Variants in C11orf65 observed in about 807,000 individuals in gnomAD.
C11orf65 encodes the protein chromosome 11 open reading frame 65.
Under a neutral mutation model 35.3 loss-of-function variants are expected in C11orf65, and 38 were observed. The ratio of observed to expected loss-of-function variants is 1.08; its 90% CI spans 0.83 to 1.41. C11orf65 has a LOEUF of 1.41. C11orf65 is among the 40% of genes most tolerant of loss of function. The pLI is 0.00. For missense variants in C11orf65, 370 were observed against 367.1 expected, an observed-to-expected ratio of 1.01 and a Z score of -0.06; for synonymous variants, 105 against 114.4, an observed-to-expected ratio of 0.92 and a Z score of 0.53.
At chr11:108,408,378 A>G (rs2092585619) in intron 3 of C11orf65, among the ~76,000 whole-genome samples, 1 of 152,058 alleles carries the variant, frequency 6.6e-6, no homozygotes, top group South Asian at 2.1e-4. Context: ...TTAAAAATCC[A>G]TGTTTAAAAT....
Position 108,336,122 on chromosome 11 carries a change from C to A in C11orf65, c.227-830G>T, listed in dbSNP as rs1299922090. 3 of 589,214 alleles carry A rather than the reference C, an allele frequency of 5.1e-6. No individual in the cohort carries two copies. In the East Asian group the frequency reaches 8.7e-5, roughly 17 times the overall value. 36.5% of individuals were successfully genotyped at this position (589,214 alleles called of 1,614,324 possible). A position where few individuals can be genotyped will look rare whatever the true frequency, so the allele number is the denominator to read the frequency against. On this transcript the variant is annotated intron_variant, in intron 2 of 3. Transcript: ENST00000524755. The stretch of plus-strand genomic sequence containing the variant: ...GACCAGCCTCAGCAACATAGTGAGA[C>A]CCCATCTTGACAAAAAGTTAAAAAA...
chr11:108,340,381 G>A (rs2087400411), intron 2 of C11orf65: 1 of 100,804 alleles, frequency 9.9e-6, no homozygotes, highest in Non-Finnish European at 2.2e-5. Context: ...GATAATGTCT[G>A]TTTTAAAAAA....
intron 3 of C11orf65, among the ~76,000 whole-genome samples, chr11:108,428,471 C>T (rs929878325): frequency 2.0e-5 from 3 of 152,128 alleles, no homozygotes; most frequent in Non-Finnish European, 2.9e-5. Context: ...CCATGGAATA[C>T]CATGCAGCCA....
chr11:108,415,224 T>C (rs1049503864), intron 3 of C11orf65, among the ~76,000 whole-genome samples: 9 of 152,170 alleles, frequency 5.9e-5, no homozygotes, highest in South Asian at 2.1e-4. Flanking sequence ...ACTGTCTTTG[T>C]TCTCAGATGA....
At chr11:108,345,364 G>T (rs1284556704) in intron 2 of C11orf65, among the ~76,000 whole-genome samples, 1 of 152,144 alleles carries the variant, frequency 6.6e-6, no homozygotes, top group East Asian at 1.9e-4. Flanking sequence ...ATCTATGAGG[G>T]ATTCTTCTGT....
chr11:108,417,497 A>G (rs978738623), intron 3 of C11orf65, among the ~76,000 whole-genome samples: 6 of 151,980 alleles, frequency 3.9e-5, no homozygotes, highest in Non-Finnish European at 8.8e-5. Flanking sequence ...GAGCTGAGAT[A>G]GATAGTGCCA....
At chr11:108,451,004 G>T (rs1407041213) in intron 2 of C11orf65, among the ~76,000 whole-genome samples, 1 of 151,770 alleles carries the variant, frequency 6.6e-6, no homozygotes, top group Admixed American at 6.6e-5. Flanking sequence ...GATGGGACGT[G>T]TTTCAAAATA....
chr11:108,383,883 T>A (rs1399381700), intron 8 of C11orf65, among the ~76,000 whole-genome samples: 1 of 151,434 alleles, frequency 6.6e-6, no homozygotes, highest in African/African-American at 2.4e-5. Context: ...TTTTTTTTTT[T>A]TTTTTGAGAC....
At chr11:108,308,716 A>G in exon 7 of C11orf65, 1 of 325,856 alleles carries the variant, frequency 3.1e-6, no homozygotes. Context: ...AGGTGAGTGA[A>G]AAATGAAATG....
intron 2 of C11orf65, among the ~76,000 whole-genome samples, chr11:108,352,780 G>T (rs1204605120): frequency 1.3e-5 from 2 of 152,172 alleles, no homozygotes; most frequent in African/African-American, 2.4e-5. Context: ...AATCTCCAGA[G>T]AATTAGGCTG....
chr11:108,326,420 A>G (rs1777410155), downstream of C11orf65, among the ~76,000 whole-genome samples: 1 of 152,244 alleles, frequency 6.6e-6, no homozygotes, highest in Non-Finnish European at 1.5e-5. Context: ...TCACAATTCT[A>G]TCAGTCCATC....
chr11:108,384,143 T>C (rs955607022), intron 8 of C11orf65, among the ~76,000 whole-genome samples: 1 of 152,204 alleles, frequency 6.6e-6, no homozygotes, highest in South Asian at 2.1e-4. Context: ...ATTACAGGCA[T>C]GAGCCATTGT....
chr11:108,452,454 C>T (rs1292464667), intron 2 of C11orf65, among the ~76,000 whole-genome samples: 1 of 152,138 alleles, frequency 6.6e-6, no homozygotes, highest in Non-Finnish European at 1.5e-5. Context: ...AATGAGATAC[C>T]ATCTCACACC....
chr11:108,356,531 T>TGTC lies in C11orf65; in HGVS notation c.227-21242_227-21240dup, dbSNP rs140830637. Among the ~76,000 whole-genome samples, 1,991 of 144,996 alleles carry TGTC rather than the reference T, an allele frequency of 0.014. 101 individuals are homozygous for TGTC. In the East Asian group the frequency reaches 0.18, roughly 13 times the overall value. ...AGCCTGGGCGACAAGAGCAAGACTC[T>TGTC]GTCTGTCTTAAAAAAAAAAAAAAAA... On this transcript the variant is annotated intron_variant, in intron 2 of 3. Coordinates refer to the C11orf65 transcript ENST00000524755.
rs1345427499 is a variant in C11orf65 at position 108,408,709 on chromosome 11, AAAATAAAATAAAATAAAATAAAATG to A, written c.175-1585_175-1561del. 8.8e-3 allele frequency among the ~76,000 whole-genome samples: 1,182 copies of A among 134,730 alleles called. 84 individuals carry two copies. The highest frequency in any genetic ancestry group is 0.03 in the African/African-American group (1,099 of 37,060). The allele number at this position is 134,730 out of a possible 152,430, so 88.4% of individuals were successfully genotyped here. On this transcript the variant is annotated intron_variant, in intron 3 of 8. Coordinates refer to ENST00000393084, the MANE Select transcript of C11orf65 (RefSeq NM_152587.5). Reference sequence around the variant, plus strand: ...AAAATAAAATAAAATAAAATAAAATAAAATAAAATAAAATAAAATAAAATGATATAAGAATTGTATATAATAGGTT... The same window carrying A: ...AAAATAAAATAAAATAAAATAAAATAATATAAGAATTGTATATAATAGGTT...
At chr11:108,446,595 C>A (rs1480211825) in intron 2 of C11orf65, among the ~76,000 whole-genome samples, 6 of 152,038 alleles carry the variant, frequency 3.9e-5, no homozygotes, top group African/African-American at 1.5e-4. Context: ...GACATTTTGT[C>A]ACCACCAGGC....
At chr11:108,446,313 T>A (rs2093256903) in intron 2 of C11orf65, among the ~76,000 whole-genome samples, 3 of 150,578 alleles carry the variant, frequency 2.0e-5, no homozygotes, top group Admixed American at 6.6e-5. Flanking sequence ...GAAGAGCAAC[T>A]CCAAGACACA....
rs1389038955 is a variant in C11orf65 at position 108,320,015 on chromosome 11, G to C, written c.641-10944C>G. 1 of 1,611,782 alleles carries C rather than the reference G, an allele frequency of 6.2e-7. No homozygotes were observed. Among genetic ancestry groups the C allele is most frequent in the Admixed American group, 1.7e-5 (1 of 59,996 alleles). On this transcript the variant is annotated intron_variant, in intron 6 of 6. Coordinates refer to the C11orf65 transcript ENST00000525729. ...GTACAATGCTCTACAATCTCTAAGAGACAGAGAATTCTCTACATTTTATGA... is the reference window on the plus strand; with the variant it reads ...GTACAATGCTCTACAATCTCTAAGACACAGAGAATTCTCTACATTTTATGA...
At chr11:108,463,924 ATTTT>A (rs10677306) in intron 1 of C11orf65, among the ~76,000 whole-genome samples, 1 of 132,438 alleles carries the variant, frequency 7.6e-6, no homozygotes. Context: ...AGATTTGTTA[ATTTT>A]TTTTTTTTTT....
Sources: gnomAD v4.1 joint callset for allele counts (sites outside exome capture counted in the v4.1 genomes callset) on GRCh38, gnomAD v4.1.1 for gene constraint, MANE v1.5 for transcripts, NCBI Gene and HGNC (gene_info 2026-07-23, HGNC 2026-07-21) for gene names.